Variants in TEX14 observed in about 807,000 individuals in gnomAD.
TEX14 encodes inactive serine/threonine-protein kinase TEX14.
TEX14 carries 168 observed loss-of-function variants against 178.6 expected under a neutral mutation model. The ratio of observed to expected loss-of-function variants is 0.94; its 90% CI spans 0.83 to 1.07. The LOEUF is 1.07. Ranked by LOEUF, TEX14 falls within the 50% of genes least tolerant of loss-of-function variation. TEX14 has a pLI of 0.00. For missense variants in TEX14, 1,730 were observed against 1,753.6 expected, an observed-to-expected ratio of 0.99 and a Z score of 0.24; for synonymous variants, 626 against 634.1, an observed-to-expected ratio of 0.99 and a Z score of 0.19.
chr17:58,615,237 G>C lies in TEX14; in HGVS notation c.876C>G (p.His292Gln), dbSNP rs1407324802. Residue 292 changes from histidine (H) to glutamine (Q), a missense_variant, in exon 8 of 32, where the codon CAC (histidine) becomes CAG (glutamine). His to Gln is a conservative substitution (Grantham distance 24). Around this residue, in one of 2 missense-constraint regions of TEX14, gnomAD observed 789 missense variants for 681.2 expected, o/e 1.16. Transcript: ENST00000349033. ...GCCTTGGGCTTCCTTCTCACCTGCT[G>C]TGTTCCTGCTCGGCAATTAACAAGT... ...LADLLIAEQE[H>Q]SSKLRHPYLL... is the part of the protein sequence containing the mutation. 1 of 1,607,646 alleles carries C rather than the reference G, an allele frequency of 6.2e-7. No homozygotes were observed. Among genetic ancestry groups the C allele is most frequent in the East Asian group, 2.2e-5 (1 of 44,838 alleles).
intron 17 of TEX14, among the ~76,000 whole-genome samples, chr17:58,586,344 A>G (rs1367704976): frequency 9.3e-6 from 1 of 107,894 alleles, no homozygotes; most frequent in Non-Finnish European, 2.4e-5. Flanking sequence ...GGCAGCAAAC[A>G]ACTTACAGAT....
At position 58,565,745 on chromosome 17, in the gene TEX14, A is replaced by C; in HGVS notation, c.3964+2T>G. 1 of 1,604,222 alleles carries C rather than the reference A, an allele frequency of 6.2e-7. No homozygotes were observed. Among genetic ancestry groups the C allele is most frequent in the Non-Finnish European group, 8.5e-7 (1 of 1,174,076 alleles). ...TGAAAACAATCTAGGTAGTTCACTT[A>C]CCATTTGCAGTGCCTCCTCCATCAC... On this transcript the variant is annotated splice_donor_variant, in intron 27 of 31. Coordinates refer to ENST00000349033, the MANE Select transcript of TEX14 (RefSeq NM_031272.5). LOFTEE classifies it high-confidence loss of function.
rs1350984331 is a variant in TEX14 at position 58,599,079 on chromosome 17, C to G, written c.2266G>C (p.Asp756His). 6.2e-7 allele frequency: 1 copy of G among 1,614,032 alleles called. No homozygotes were observed. Among genetic ancestry groups the G allele is most frequent in the Non-Finnish European group, 8.5e-7 (1 of 1,179,994 alleles). ...TCCTTCTGTTTCATCTCGACTTCAT[C>G]TAATATCTGCTCGATATTCCTCAGC... ...DRLRNIEQIL[D>H]EVEMKQKEQE... Residue 756 changes from aspartate (D) to histidine (H), a missense_variant, in exon 14 of 32, where the codon GAT becomes CAT. Physicochemically the swap from Asp to His is moderately conservative, Grantham distance 81 (BLOSUM62 -1). Around this residue, in one of 2 missense-constraint regions of TEX14, gnomAD observed 941 missense variants for 1,072.4 expected, o/e 0.88. Coordinates refer to ENST00000349033, the MANE Select transcript of TEX14 (RefSeq NM_031272.5).
At chr17:58,609,148 C>T (rs186107915) in intron 10 of TEX14, among the ~76,000 whole-genome samples, 3 of 152,124 alleles carry the variant, frequency 2.0e-5, no homozygotes, top group Admixed American at 6.5e-5. Flanking sequence ...CTCGCTCTGT[C>T]GCCCAGGCTG....
chr17:58,608,524 C>T (rs1371330978), intron 10 of TEX14, among the ~76,000 whole-genome samples: 1 of 152,240 alleles, frequency 6.6e-6, no homozygotes, highest in Non-Finnish European at 1.5e-5. Context: ...TGCAGTGAGC[C>T]GAGATCGTGC....
At chr17:58,687,287 C>T (rs977209089) in intron 1 of TEX14, among the ~76,000 whole-genome samples, 9 of 152,134 alleles carry the variant, frequency 5.9e-5, no homozygotes, top group Non-Finnish European at 5.9e-5. Flanking sequence ...TTCTCACTAT[C>T]TCTTTTACCT....
At chr17:58,678,853 T>TAATAATAATAATAATAAA (rs986061483) in intron 1 of TEX14, among the ~76,000 whole-genome samples, 67 of 146,790 alleles carry the variant, frequency 4.6e-4, no homozygotes, top group African/African-American at 1.6e-3. Context: ...ATAATAATAA[T>TAATAATAATAATAATAAA]AAAAGAGAAG....
At chr17:58,609,794 G>A (rs193026996) in intron 10 of TEX14, among the ~76,000 whole-genome samples, 1 of 152,242 alleles carries the variant, frequency 6.6e-6, no homozygotes, top group East Asian at 1.9e-4. Flanking sequence ...ATACGCAAAG[G>A]CCTGTTCTGG....
At chr17:58,565,992 A>G (rs1391347397) in intron 26 of TEX14, among the ~76,000 whole-genome samples, 168 bp from the exon 27 acceptor site, 11 of 152,232 alleles carry the variant, frequency 7.2e-5, no homozygotes, top group Non-Finnish European at 1.6e-4. Flanking sequence ...CTGCTGAATC[A>G]GAAACTCTGG....
At position 58,616,180 on chromosome 17, in the gene TEX14, C is replaced by T. The variant is rs1295231654; in HGVS notation, c.762G>A (p.Met254Ile). ...ACTGGCCAGCCCCCACTTACTTGGT[C>T]ATGACCATGTAGGGGCCGCTGAAGA... ...FSFFSGPYMVMTNLVWNGSRV... is the reference protein window; with the variant it reads ...FSFFSGPYMVITNLVWNGSRV... Residue 254 changes from methionine (M) to isoleucine (I), a missense_variant, in exon 7 of 32, where the codon ATG becomes ATA. Physicochemically the swap from Met to Ile is conservative, Grantham distance 10 (BLOSUM62 1). Coordinates refer to ENST00000349033, the MANE Select transcript of TEX14 (RefSeq NM_031272.5). 2 of 1,612,726 alleles carry T rather than the reference C, an allele frequency of 1.2e-6. No homozygotes were observed. The highest frequency in any genetic ancestry group is 1.7e-6 in the Non-Finnish European group (2 of 1,179,592).
In TEX14 at chr17:58,611,155, G is replaced by A. The variant is rs1185366052; in HGVS notation, c.1184+6C>T. On this transcript the variant is annotated splice_donor_region_variant and intron_variant, in intron 10 of 31. Coordinates refer to ENST00000349033, the MANE Select transcript of TEX14 (RefSeq NM_031272.5). Reference sequence around the variant, plus strand: ...AGGAGAAAGTCCCACTCCATGTTATGCCCACCTTTCCAACATGTACTCCAG... The same window carrying A: ...AGGAGAAAGTCCCACTCCATGTTATACCCACCTTTCCAACATGTACTCCAG... The A allele has an allele frequency of 1.2e-5, 19 of 1,609,784 alleles. 1 individual carries two copies. In the Admixed American group the frequency reaches 3.0e-4, roughly 25 times the overall value.
chr17:58,651,724 C>T, intron 2 of TEX14, 142 bp downstream of exon 2: 1 of 788,408 alleles, frequency 1.3e-6, no homozygotes, highest in South Asian at 2.4e-5. Context: ...CTTGACTGCA[C>T]TGCTAGAGAA....
intron 1 of TEX14, among the ~76,000 whole-genome samples, chr17:58,691,698 A>G (rs1449217559): frequency 1.3e-5 from 2 of 148,932 alleles, no homozygotes; most frequent in African/African-American, 4.9e-5. Context: ...GCCAATAGGT[A>G]GGGAATAAGT....
chr17:58,565,869 G>T lies in TEX14; in HGVS notation c.3887-45C>A, dbSNP rs187523892. The T allele has an allele frequency of 2.0e-6, 3 of 1,470,420 alleles. No homozygotes were observed. In the Admixed American group the frequency reaches 5.8e-5, roughly 28 times the overall value. The allele number at this position is 1,470,420 out of a possible 1,614,324, so 91.1% of individuals were successfully genotyped here. A position where few individuals can be genotyped will look rare whatever the true frequency, so the allele number is the denominator to read the frequency against. ...AAAGGAAACTTATTTCCTCCCTTGCGTGTCCTGCCGTTCTCTAGAGCAGTG... is the reference window on the plus strand; with the variant it reads ...AAAGGAAACTTATTTCCTCCCTTGCTTGTCCTGCCGTTCTCTAGAGCAGTG... On this transcript the variant is annotated intron_variant, in intron 26 of 31. Coordinates refer to ENST00000349033, the MANE Select transcript of TEX14 (RefSeq NM_031272.5).
intron 1 of TEX14, among the ~76,000 whole-genome samples, chr17:58,680,917 CTTTT>C (rs35468028): frequency 6.6e-6 from 1 of 152,056 alleles, no homozygotes; most frequent in Non-Finnish European, 1.5e-5. Flanking sequence ...GAGTTTATAA[CTTTT>C]TTTTCCTTGT....
At chr17:58,622,243 C>T (rs919563274) in intron 4 of TEX14, among the ~76,000 whole-genome samples, 2 of 152,130 alleles carry the variant, frequency 1.3e-5, no homozygotes, top group African/African-American at 2.4e-5. Flanking sequence ...GTCAGGAGTT[C>T]GAGACCAGCC....
chr17:58,634,287 C>G (rs1001906039), intron 2 of TEX14, among the ~76,000 whole-genome samples: 1 of 152,000 alleles, frequency 6.6e-6, no homozygotes. Context: ...GTGGCACATG[C>G]CTGTAATGCC....
intron 1 of TEX14, among the ~76,000 whole-genome samples, chr17:58,684,377 G>A (rs988787935): frequency 2.0e-5 from 3 of 151,514 alleles, no homozygotes; most frequent in Non-Finnish European, 2.9e-5. Flanking sequence ...CAGGAGAATC[G>A]CTTGAACACG....
chr17:58,626,164 T>G (rs917356526), intron 3 of TEX14, among the ~76,000 whole-genome samples: 1 of 152,184 alleles, frequency 6.6e-6, no homozygotes, highest in African/African-American at 2.4e-5. Flanking sequence ...AATAGATCCC[T>G]GACCCTCCTC....
Sources: allele counts gnomAD v4.1 joint callset (sites outside exome capture counted in the v4.1 genomes callset), GRCh38; gene constraint gnomAD v4.1.1; regional missense constraint gnomAD v4.1.1; transcripts MANE v1.5; gene names NCBI Gene and HGNC (gene_info 2026-07-23, HGNC 2026-07-21).